ATP8B2: variants seen among roughly 807,000 people sequenced by gnomAD.
ATP8B2 encodes ATPase phospholipid transporting 8B2, also known as phospholipid-transporting ATPase ID.
Under a neutral mutation model 133.4 loss-of-function variants are expected in ATP8B2, and 70 were observed. The observed-to-expected ratio is 0.52, with a 90% CI of 0.43 to 0.64. The LOEUF (loss-of-function observed/expected upper bound fraction) is 0.64, where lower values mean the gene tolerates loss of function less well. ATP8B2 is among the 30% of genes least tolerant of loss of function. The pLI is 0.00. For missense variants in ATP8B2, 1,101 were observed against 1,535.7 expected, an observed-to-expected ratio of 0.72 and a Z score of 4.73; for synonymous variants, 517 against 589.5, an observed-to-expected ratio of 0.88 and a Z score of 1.78.
In ATP8B2 at chr1:154,348,467, G is replaced by A. The variant is rs760796944; in HGVS notation, c.3223G>A (p.Val1075Ile). 3.7e-6 allele frequency: 6 copies of A among 1,614,140 alleles called. No individual in the cohort carries two copies. The highest frequency in any genetic ancestry group is 5.1e-6 in the Non-Finnish European group (6 of 1,179,986). The change falls in exon 27 of 28, where the codon GTC (valine) becomes ATC (isoleucine). Residue 1075 changes from valine to isoleucine, a missense_variant. Physicochemically the swap from Val to Ile is conservative, Grantham distance 29. Coordinates refer to ENST00000368489, the MANE Select transcript of ATP8B2 (RefSeq NM_001370597.1). ...GTGGCTGACCATTGTGCTCACCACA[G>A]TCGTCTGCATCATGCCCGTGGTTGC... ...TVWLTIVLTT[V>I]VCIMPVVAFR...
chr1:154,332,549 C>A, intron 8 of ATP8B2, 69 bp from the exon 9 acceptor site: 2 of 1,263,498 alleles, frequency 1.6e-6, no homozygotes, highest in Non-Finnish European at 1.1e-6. Flanking sequence ...CAGAGCGAGA[C>A]CCCATCTGTG....
In ATP8B2 at chr1:154,343,125, A is replaced by G. The variant is rs1399750487; in HGVS notation, c.1466A>G (p.Tyr489Cys). 1.2e-5 allele frequency: 19 copies of G among 1,613,768 alleles called. No homozygotes were observed. Among genetic ancestry groups the G allele is most frequent in the Non-Finnish European group, 1.5e-5 (18 of 1,179,944 alleles). Residue 489 changes from tyrosine (Y) to cysteine (C), a missense_variant, in exon 16 of 28, where the codon TAC becomes TGC. Transcript: ENST00000368489. The surrounding 1 kb of genome is among the most constrained non-coding windows in gnomAD (Gnocchi z 5.8). ...SEEKNEGELY[Y>C]KAQSPDEGAL... is the part of the protein sequence containing the mutation. Reference sequence around the variant, plus strand: ...CCTCCCCACCCAGGAGAGCTGTACTACAAAGCTCAGTCCCCAGATGAGGGG... The same window carrying G: ...CCTCCCCACCCAGGAGAGCTGTACTGCAAAGCTCAGTCCCCAGATGAGGGG...
Position 154,346,827 on chromosome 1 carries a change from C to T in ATP8B2, c.3163+69C>T. 1 of 1,500,622 alleles carries T rather than the reference C, an allele frequency of 6.7e-7. No individual in the cohort carries two copies. Among genetic ancestry groups the T allele is most frequent in the Non-Finnish European group, 9.1e-7 (1 of 1,096,288 alleles). 93.0% of individuals were successfully genotyped at this position (1,500,622 alleles called of 1,614,324 possible). On this transcript the variant is annotated intron_variant, in intron 26 of 27. Transcript: ENST00000368489. This position sits in a 1 kb window ranked among gnomAD's most constrained non-coding sequence, Gnocchi z 4.5. ...GTTCTGGGACTAACAGGACCATCAG[C>T]TAATCTGCACATTCAACATTTCTTA...
In ATP8B2 at chr1:154,331,206, C is replaced by T; in HGVS notation, c.303+60C>T. ...CACCCACCCCTACTCCCAGCCCCAC[C>T]CCCATCTCATGGCCACCTTCATCCA... On this transcript the variant is annotated intron_variant, in intron 5 of 27. Coordinates refer to ENST00000368489, the MANE Select transcript of ATP8B2 (RefSeq NM_001370597.1). This position sits in a 1 kb window ranked among gnomAD's most constrained non-coding sequence, Gnocchi z 4.8. The T allele has an allele frequency of 6.8e-7, 1 of 1,477,238 alleles. No homozygotes were observed. The highest frequency in any genetic ancestry group is 9.4e-7 in the Non-Finnish European group (1 of 1,068,018). The allele number at this position is 1,477,238 out of a possible 1,614,324, so 91.5% of individuals were successfully genotyped here.
In ATP8B2 at chr1:154,337,498, T is replaced by TC; in HGVS notation, c.988_989insC (p.Tyr330SerfsTer32). 1 of 1,614,224 alleles carries TC rather than the reference T, an allele frequency of 6.2e-7. No individual in the cohort carries two copies. Among genetic ancestry groups the TC allele is most frequent in the Non-Finnish European group, 8.5e-7 (1 of 1,180,034 alleles). On this transcript the variant is annotated frameshift_variant, in exon 12 of 28. Coordinates refer to ENST00000368489, the MANE Select transcript of ATP8B2 (RefSeq NM_001370597.1). LOFTEE classifies it high-confidence loss of function. ...CTCTGGCTTCCTCTCCTTCTGGTCC[T>TC]ACATCATCATCCTCAACACCGTTGT...
At position 154,325,553 on chromosome 1, in the gene ATP8B2, C is replaced by T. The variant is rs2149155470; in HGVS notation, c.-187C>T. ...TCCGCCCCGCCGTGGCCGAAACTGACACAAAGTAGCGGGCCGAGGCCCCGG... is the reference window on the plus strand; with the variant it reads ...TCCGCCCCGCCGTGGCCGAAACTGATACAAAGTAGCGGGCCGAGGCCCCGG... On this transcript the variant is annotated 5_prime_UTR_variant, in exon 1 of 28. Coordinates refer to ENST00000368489, the MANE Select transcript of ATP8B2 (RefSeq NM_001370597.1). 6.6e-6 allele frequency: 1 copy of T among 152,088 alleles called. No individual in the cohort carries two copies. The highest frequency in any genetic ancestry group is 2.4e-5 in the African/African-American group (1 of 41,546). 9.4% of individuals were successfully genotyped at this position (152,088 alleles called of 1,614,324 possible).
intron 13 of ATP8B2, 73 bp downstream of exon 13, chr1:154,341,135 T>G: frequency 6.7e-7 from 1 of 1,492,494 alleles, no homozygotes; most frequent in Non-Finnish European, 9.2e-7. Context: ...GCCCCACAGT[T>G]TCCTTAACAT....
chr1:154,346,785 G>A lies in ATP8B2; in HGVS notation c.3163+27G>A, dbSNP rs193093820. 135 of 1,612,378 alleles carry A rather than the reference G, an allele frequency of 8.4e-5. No homozygotes were observed. Among genetic ancestry groups the A allele is most frequent in the Middle Eastern group, 5.0e-4 (3 of 6,050 alleles). On this transcript the variant is annotated intron_variant, in intron 26 of 27. Transcript: ENST00000368489. The surrounding 1 kb of genome is among the most constrained non-coding windows in gnomAD (Gnocchi z 4.5). ...TAAGTCCCCGTGGCCTCCTTGAATCGGTGAGGAATCACAGCTGTTCTGGGA... is the reference window on the plus strand; with the variant it reads ...TAAGTCCCCGTGGCCTCCTTGAATCAGTGAGGAATCACAGCTGTTCTGGGA...
Position 154,328,827 on chromosome 1 carries a change from C to T in ATP8B2, c.31+655C>T. 3.8e-6 allele frequency: 4 copies of T among 1,040,364 alleles called. 1 individual carries two copies. Among genetic ancestry groups the T allele is most frequent in the East Asian group, 1.1e-4 (1 of 9,310 alleles). 64.4% of individuals were successfully genotyped at this position (1,040,364 alleles called of 1,614,324 possible). The stretch of plus-strand genomic sequence containing the variant: ...TCGCGGTGTCCCCGAGCGCCGGCGG[C>T]CGGGAGGATGGCCTGGGCTGCGGGT... On this transcript the variant is annotated intron_variant, in intron 2 of 27. Transcript: ENST00000368489. The surrounding 1 kb of genome is among the most constrained non-coding windows in gnomAD (Gnocchi z 4.6).
chr1:154,341,429 G>GCTGCAGTGAGCCATGATCTTCCA (rs1553296768), intron 13 of ATP8B2: 6 of 348,984 alleles, frequency 1.7e-5, no homozygotes, highest in Non-Finnish European at 3.3e-5. Flanking sequence ...GGAGGTCAAG[G>GCTGCAGTGAGCCATGATCTTCCA]CTGCAGTGAG....
Position 154,337,388 on chromosome 1 carries a change from T to A in ATP8B2, c.878T>A (p.Ile293Asn). The change falls in exon 12 of 28, where the codon ATT (isoleucine) becomes AAT (asparagine). Residue 293 changes from isoleucine to asparagine, a missense_variant. Physicochemically the swap from Ile to Asn is moderately radical, Grantham distance 149. Transcript: ENST00000368489. Reference sequence around the variant, plus strand: ...GTTTGCATGGGGGTGATCCTGGCCATTGGCAATGCCATCTGGGAGCACGAG... The same window carrying A: ...GTTTGCATGGGGGTGATCCTGGCCAATGGCAATGCCATCTGGGAGCACGAG... ...FLVCMGVILA[I>N]GNAIWEHEVG... 1 of 1,614,164 alleles carries A rather than the reference T, an allele frequency of 6.2e-7. No individual in the cohort carries two copies. Among genetic ancestry groups the A allele is most frequent in the Non-Finnish European group, 8.5e-7 (1 of 1,180,014 alleles).
chr1:154,345,748 G>A lies in ATP8B2; in HGVS notation c.2695-52G>A. 2 of 1,507,776 alleles carry A rather than the reference G, an allele frequency of 1.3e-6. No individual in the cohort carries two copies. Among genetic ancestry groups the A allele is most frequent in the Non-Finnish European group, 9.2e-7 (1 of 1,083,748 alleles). The allele number at this position is 1,507,776 out of a possible 1,614,324, so 93.4% of individuals were successfully genotyped here. A position where few individuals can be genotyped will look rare whatever the true frequency, so the allele number is the denominator to read the frequency against. ...TGACATCAGCTGTCTTCCTGTGCCTGATGTGTAGCAAAGAAAGGTTGCATG... is the reference window on the plus strand; with the variant it reads ...TGACATCAGCTGTCTTCCTGTGCCTAATGTGTAGCAAAGAAAGGTTGCATG... On this transcript the variant is annotated intron_variant, in intron 23 of 27. Transcript: ENST00000368489. The surrounding 1 kb of genome is among the most constrained non-coding windows in gnomAD (Gnocchi z 5.6).
chr1:154,327,978 T>C, intron 1 of ATP8B2, 127 bp from the exon 2 acceptor site: 1 of 1,512,042 alleles, frequency 6.6e-7, no homozygotes, highest in Non-Finnish European at 9.2e-7. Flanking sequence ...GAGGAGAGAC[T>C]GGGAGAAGGA....
chr1:154,328,863 C>T lies in ATP8B2; in HGVS notation c.31+691C>T. On this transcript the variant is annotated intron_variant, in intron 2 of 27. Transcript: ENST00000368489. This position sits in a 1 kb window ranked among gnomAD's most constrained non-coding sequence, Gnocchi z 4.6. Reference sequence around the variant, plus strand: ...GCCTGGGCTGCGGGTGGGGCGCGCGCCCGACGGCTGGGGCTCCCCTCTGAG... The same window carrying T: ...GCCTGGGCTGCGGGTGGGGCGCGCGTCCGACGGCTGGGGCTCCCCTCTGAG... The T allele has an allele frequency of 8.6e-7, 1 of 1,164,052 alleles. No homozygotes were observed. Among genetic ancestry groups the T allele is most frequent in the Middle Eastern group, 3.9e-4 (1 of 2,540 alleles). 72.1% of individuals were successfully genotyped at this position (1,164,052 alleles called of 1,614,324 possible). A position where few individuals can be genotyped will look rare whatever the true frequency, so the allele number is the denominator to read the frequency against.
At position 154,344,955 on chromosome 1, in the gene ATP8B2, T is replaced by G; in HGVS notation, c.2287-16T>G. 2 of 1,601,166 alleles carry G rather than the reference T, an allele frequency of 1.2e-6. No homozygotes were observed. Among genetic ancestry groups the G allele is most frequent in the Non-Finnish European group, 1.7e-6 (2 of 1,172,536 alleles). ...TCCTGGAAAGACTGGCTCTCTCAGG[T>G]TTCTCTGTGCTCCAGGCCCACGCAC... On this transcript the variant is annotated splice_polypyrimidine_tract_variant and intron_variant, in intron 21 of 27. Coordinates refer to ENST00000368489, the MANE Select transcript of ATP8B2 (RefSeq NM_001370597.1). The surrounding 1 kb of genome is among the most constrained non-coding windows in gnomAD (Gnocchi z 4.1).
At chr1:154,329,919 G>A (rs1298597166) in intron 2 of ATP8B2, among the ~76,000 whole-genome samples, 5 of 152,162 alleles carry the variant, frequency 3.3e-5, no homozygotes, top group African/African-American at 4.8e-5. Context: ...GGCACAGGGA[G>A]CCTCCTTCTT....
intron 8 of ATP8B2, among the ~76,000 whole-genome samples, chr1:154,332,414 G>A (rs114989837): frequency 0.012 from 1,768 of 152,250 alleles, 38 homozygotes; most frequent in African/African-American, 0.041. Context: ...AACTTAGCTG[G>A]GTATGGTGGT....
At position 154,334,378 on chromosome 1, in the gene ATP8B2, A is replaced by G; in HGVS notation, c.748+113A>G. The stretch of plus-strand genomic sequence containing the variant: ...TAAGGTAAAAAACCTCCAGCTGTGT[A>G]TACAGGCTTCTTATCTAGCCAGTAT... On this transcript the variant is annotated intron_variant, in intron 10 of 27. Coordinates refer to ENST00000368489, the MANE Select transcript of ATP8B2 (RefSeq NM_001370597.1). The surrounding 1 kb of genome is among the most constrained non-coding windows in gnomAD (Gnocchi z 4.6). 2 of 1,525,546 alleles carry G rather than the reference A, an allele frequency of 1.3e-6. No individual in the cohort carries two copies. Among genetic ancestry groups the G allele is most frequent in the Non-Finnish European group, 1.8e-6 (2 of 1,113,238 alleles). The allele number at this position is 1,525,546 out of a possible 1,614,324, so 94.5% of individuals were successfully genotyped here. A position where few individuals can be genotyped will look rare whatever the true frequency, so the allele number is the denominator to read the frequency against.
chr1:154,348,764 G>A lies in ATP8B2; in HGVS notation c.3295-76G>A, dbSNP rs549806386. ...CCTCTGTGTCAGCCTGGTCCCGGGT[G>A]CTGTGGGTCCCTTCTCCTTGGCGAT... is the stretch of plus-strand genomic sequence containing the variant. On this transcript the variant is annotated intron_variant, in intron 27 of 27. Coordinates refer to ENST00000368489, the MANE Select transcript of ATP8B2 (RefSeq NM_001370597.1). The A allele has an allele frequency of 1.3e-5, 19 of 1,471,400 alleles. No homozygotes were observed. The African/African-American group carries it at 1.7e-4, about 13-fold the overall frequency. The allele number at this position is 1,471,400 out of a possible 1,614,324, so 91.1% of individuals were successfully genotyped here.
Sources: gnomAD v4.1 joint callset for allele counts (sites outside exome capture counted in the v4.1 genomes callset) on GRCh38, gnomAD v4.1.1 for gene constraint, Gnocchi (gnomAD v3.1) non-coding constraint, MANE v1.5 for transcripts, NCBI Gene and HGNC (gene_info 2026-07-23, HGNC 2026-07-21) for gene names.